Variants in AFG2A observed in about 807,000 individuals in gnomAD.
AFG2A encodes the protein ATPase family gene 2 protein homolog A.
At chr4:122,941,264 A>G in the AFG2A span, among the ~76,000 whole-genome samples, 1 of 151,684 alleles carries the variant, frequency 6.6e-6, no homozygotes, top group Non-Finnish European at 1.5e-5. Flanking sequence ...CCTACCCATG[A>G]GCATGGAATG....
chr4:123,107,972 C>T, the AFG2A span, among the ~76,000 whole-genome samples: 5 of 152,300 alleles, frequency 3.3e-5, no homozygotes, highest in South Asian at 2.1e-4. Context: ...GCTTCCCAGG[C>T]CCCCAAGAAC....
the AFG2A span, among the ~76,000 whole-genome samples, chr4:123,088,735 C>A: frequency 6.6e-6 from 1 of 152,116 alleles, no homozygotes; most frequent in East Asian, 1.9e-4. Context: ...CTCTCTCCTC[C>A]TGCCATGTGA....
chr4:123,041,147 G>A, the AFG2A span, among the ~76,000 whole-genome samples: 2 of 151,150 alleles, frequency 1.3e-5, no homozygotes, highest in Non-Finnish European at 2.9e-5. Context: ...GTCTTGCTCT[G>A]TCACCCAGGC....
chr4:123,170,042 A>G, the AFG2A span, among the ~76,000 whole-genome samples: 1 of 152,190 alleles, frequency 6.6e-6, no homozygotes, highest in Non-Finnish European at 1.5e-5. Context: ...GGAGGTTCTA[A>G]CAATTGTAAT....
At chr4:123,007,916 G>A in the AFG2A span, among the ~76,000 whole-genome samples, 3 of 151,896 alleles carry the variant, frequency 2.0e-5, no homozygotes, top group Non-Finnish European at 4.4e-5. Context: ...AAGGGTCATT[G>A]TCTTTGATTC....
chr4:122,996,597 A>ATAGATAGT, the AFG2A span, among the ~76,000 whole-genome samples: 1 of 151,808 alleles, frequency 6.6e-6, no homozygotes, highest in Non-Finnish European at 1.5e-5. Context: ...AGATAGATAG[A>ATAGATAGT]TAGATAGATA....
At chr4:123,090,588 T>A in the AFG2A span, 1 of 1,614,014 alleles carries the variant, frequency 6.2e-7, no homozygotes, top group Admixed American at 1.7e-5. Context: ...GTTCTTTAGG[T>A]GCTGGGAATG....
chr4:123,143,345 A>G, the AFG2A span, among the ~76,000 whole-genome samples: 1 of 152,084 alleles, frequency 6.6e-6, no homozygotes, highest in Non-Finnish European at 1.5e-5. Flanking sequence ...AGTCGTCGCT[A>G]TTACATTAAC....
the AFG2A span, among the ~76,000 whole-genome samples, chr4:123,194,949 T>A: frequency 6.6e-6 from 1 of 152,108 alleles, no homozygotes; most frequent in African/African-American, 2.4e-5. Flanking sequence ...ATAAAGAAAA[T>A]AAGCCAAATG....
the AFG2A span, among the ~76,000 whole-genome samples, chr4:123,286,309 T>C: frequency 6.6e-6 from 1 of 152,344 alleles, no homozygotes; most frequent in East Asian, 1.9e-4. Flanking sequence ...TAAGTAGTCT[T>C]TAAATTTTAA....
the AFG2A span, among the ~76,000 whole-genome samples, chr4:122,982,423 C>CCAT: frequency 2.6e-5 from 4 of 152,060 alleles, no homozygotes; most frequent in African/African-American, 9.7e-5. Context: ...GAGAATATTT[C>CCAT]CATCTATGTT....
the AFG2A span, chr4:122,927,557 T>C: frequency 6.9e-7 from 1 of 1,454,876 alleles, no homozygotes. Flanking sequence ...TTAGAGTATT[T>C]TTATTTACTG....
the AFG2A span, among the ~76,000 whole-genome samples, chr4:123,101,125 A>G: frequency 6.6e-6 from 1 of 151,958 alleles, no homozygotes; most frequent in African/African-American, 2.4e-5. Context: ...AGAAGAATTT[A>G]TATAGCTTTC....
At chr4:123,125,807 C>G in the AFG2A span, among the ~76,000 whole-genome samples, 1 of 152,142 alleles carries the variant, frequency 6.6e-6, no homozygotes, top group South Asian at 2.1e-4. Context: ...TTTTATAATT[C>G]AAAATTTGAA....
the AFG2A span, among the ~76,000 whole-genome samples, chr4:122,974,709 C>T: frequency 2.0e-5 from 3 of 151,952 alleles, no homozygotes; most frequent in Middle Eastern, 3.2e-3. Context: ...GGTGCGATCT[C>T]GGCTCACCGC....
the AFG2A span, among the ~76,000 whole-genome samples, chr4:123,039,840 A>G: frequency 1.3e-5 from 2 of 152,056 alleles, no homozygotes; most frequent in African/African-American, 2.4e-5. Flanking sequence ...AAGAACGTTC[A>G]TTCTTGGTTA....
At chr4:123,214,527 GAA>G in the AFG2A span, among the ~76,000 whole-genome samples, 1 of 151,582 alleles carries the variant, frequency 6.6e-6, no homozygotes, top group African/African-American at 2.4e-5. Context: ...AAATATATTG[GAA>G]AAATTTTTGG....
the AFG2A span, among the ~76,000 whole-genome samples, chr4:123,131,916 TGC>T: frequency 1.5e-5 from 1 of 68,622 alleles, no homozygotes; most frequent in Non-Finnish European, 4.6e-5. Flanking sequence ...CCACAGCAGC[TGC>T]ACCATTTTAT....
chr4:123,145,245 G>A, the AFG2A span, among the ~76,000 whole-genome samples: 1 of 151,828 alleles, frequency 6.6e-6, no homozygotes, highest in East Asian at 1.9e-4. Flanking sequence ...GCATACATGG[G>A]CCAGCTCTTT....
Sources: gnomAD v4.1 joint callset for allele counts (sites outside exome capture counted in the v4.1 genomes callset) on GRCh38, gnomAD v4.1.1 for gene constraint, MANE v1.5 for transcripts, NCBI Gene and HGNC (gene_info 2026-07-23, HGNC 2026-07-21) for gene names.